COBL: variants seen among roughly 807,000 people sequenced by gnomAD.
COBL encodes protein cordon-bleu.
A neutral mutation model predicts 98.8 loss-of-function variants in COBL; 51 were observed. The observed-to-expected ratio is 0.52, with a 90% CI of 0.41 to 0.65. COBL has a LOEUF of 0.65. Ranked by LOEUF, COBL falls within the 30% of genes least tolerant of loss-of-function variation. The pLI is 0.00. For missense variants in COBL, 1,617 were observed against 1,617.5 expected (o/e 1.00, Z 0.01); for synonymous variants, 634 against 651.7 (o/e 0.97, Z 0.41).
intron 12 of COBL, 27 bp downstream of exon 12, chr7:51,025,082 G>A: frequency 6.2e-7 from 1 of 1,611,868 alleles, no homozygotes; most frequent in South Asian, 1.1e-5. Context: ...TGGCCCCATT[G>A]AAATGCGCAC....
chr7:51,046,730 A>G (rs570268474), intron 7 of COBL, among the ~76,000 whole-genome samples: 3 of 152,156 alleles, frequency 2.0e-5, no homozygotes, highest in African/African-American at 7.2e-5. Context: ...TGTCCTCCAG[A>G]TCCTGTGTGT....
intron 1 of COBL, among the ~76,000 whole-genome samples, chr7:51,315,718 T>A (rs1803499391): frequency 6.6e-6 from 1 of 151,930 alleles, no homozygotes; most frequent in Non-Finnish European, 1.5e-5. Flanking sequence ...CTGGCCGGGA[T>A]GAGCACGGCG....
At chr7:51,097,502 A>C (rs1219750284) in intron 6 of COBL, among the ~76,000 whole-genome samples, 1 of 152,196 alleles carries the variant, frequency 6.6e-6, no homozygotes, top group Non-Finnish European at 1.5e-5. Flanking sequence ...AAACGGAAGA[A>C]GTGAAATTAT....
At chr7:51,047,924 T>C (rs1050155388) in intron 7 of COBL, among the ~76,000 whole-genome samples, 2 of 152,140 alleles carry the variant, frequency 1.3e-5, no homozygotes, top group African/African-American at 4.8e-5. Context: ...CCCAGCACGT[T>C]GGGAGGCTGA....
chr7:51,197,048 A>G (rs1790660426), intron 2 of COBL, among the ~76,000 whole-genome samples: 1 of 150,144 alleles, frequency 6.7e-6, no homozygotes. Flanking sequence ...GATTTTGGTT[A>G]TTTCTTGTCT....
chr7:51,259,177 C>T (rs1224278459), intron 1 of COBL, among the ~76,000 whole-genome samples: 5 of 151,618 alleles, frequency 3.3e-5, no homozygotes, highest in African/African-American at 1.2e-4. Flanking sequence ...ATCCCAGCTA[C>T]TCGGGAGGCT....
intron 5 of COBL, among the ~76,000 whole-genome samples, chr7:51,153,024 C>A (rs546849318): frequency 3.3e-5 from 5 of 152,322 alleles, no homozygotes; most frequent in South Asian, 4.1e-4. Context: ...CTACTTATCA[C>A]TAGCCTACTA....
chr7:51,024,553 A>G (rs1288471383), intron 12 of COBL, among the ~76,000 whole-genome samples: 1 of 152,174 alleles, frequency 6.6e-6, no homozygotes, highest in Non-Finnish European at 1.5e-5. Context: ...CACAAGACCA[A>G]AATGGAGAAG....
intron 1 of COBL, among the ~76,000 whole-genome samples, chr7:51,243,103 T>C (rs898058010): frequency 6.6e-6 from 1 of 152,188 alleles, no homozygotes; most frequent in South Asian, 2.1e-4. Flanking sequence ...CCAGTCCCGT[T>C]GGTCCCACTA....
Position 51,237,526 on chromosome 7 carries a change from C to CT in COBL, c.42-17583dup, listed in dbSNP as rs1193087433. The stretch of plus-strand genomic sequence containing the variant: ...TACATAAACTGTGAGTCCCTTAACC[C>CT]TTTTTTTTTCTTAAAAAAAAAAAAA... On this transcript the variant is annotated intron_variant, in intron 1 of 12. Coordinates refer to ENST00000265136, the MANE Select transcript of COBL (RefSeq NM_015198.5). 5.2e-3 allele frequency among the ~76,000 whole-genome samples: 600 copies of CT among 116,098 alleles called. 3 individuals are homozygous for CT. Among genetic ancestry groups the CT allele is most frequent in the African/African-American group, 0.017 (489 of 28,288 alleles). 76.2% of individuals were successfully genotyped at this position (116,098 alleles called of 152,430 possible).
chr7:51,273,309 C>G lies in COBL; in HGVS notation c.41+43284G>C, dbSNP rs780062701. Among the ~76,000 whole-genome samples the G allele has an allele frequency of 2.6e-3, 226 of 85,834 alleles. 2 individuals are homozygous for G. Among genetic ancestry groups the G allele is most frequent in the South Asian group, 0.01 (30 of 2,970 alleles). The allele number at this position is 85,834 out of a possible 152,430, so 56.3% of individuals were successfully genotyped here. ...TGCCACTGCACTCCAGCCTGGGCAA[C>G]AGAATAAGACTCCATCTCAAAAAAA... is the stretch of plus-strand genomic sequence containing the variant. On this transcript the variant is annotated intron_variant, in intron 1 of 12. Transcript: ENST00000265136.
intron 1 of COBL, among the ~76,000 whole-genome samples, chr7:51,282,831 ATT>A (rs1799926827): frequency 6.6e-6 from 1 of 152,136 alleles, no homozygotes; most frequent in Non-Finnish European, 1.5e-5. Flanking sequence ...AAAAAAAAAA[ATT>A]ACAAGGCATA....
chr7:51,203,106 C>T (rs1042678155), intron 2 of COBL, among the ~76,000 whole-genome samples: 2 of 151,552 alleles, frequency 1.3e-5, no homozygotes, highest in African/African-American at 4.9e-5. Flanking sequence ...CTTTACACTT[C>T]AGGGAACAAG....
chr7:51,073,374 C>G, intron 7 of COBL: 1 of 694,176 alleles, frequency 1.4e-6, no homozygotes, highest in Non-Finnish European at 2.6e-6. Context: ...GGGAATGACG[C>G]ACAGCAATAA....
At position 51,193,485 on chromosome 7, in the gene COBL, C is replaced by G. The variant is rs1411000641; in HGVS notation, c.350G>C (p.Ser117Thr). Residue 117 changes from serine (S) to threonine (T), a missense_variant, in exon 3 of 13, where the codon AGT becomes ACT. Ser to Thr is a moderately conservative substitution (Grantham distance 58). This residue lies in a region of COBL where 238 missense variants were observed against 215.0 expected (regional missense o/e 1.11). Coordinates refer to ENST00000265136, the MANE Select transcript of COBL (RefSeq NM_015198.5). ...CCCAATCAAAGTATTTGGCTTAAAA[C>G]TCAAAGGTTGTTGGGTTTCTGAAGA... ...IRSSETQQPL[S>T]FKPNTLIGTL... 6.2e-7 allele frequency: 1 copy of G among 1,614,170 alleles called. No homozygotes were observed. Among genetic ancestry groups the G allele is most frequent in the Admixed American group, 1.7e-5 (1 of 60,018 alleles).
intron 6 of COBL, among the ~76,000 whole-genome samples, chr7:51,092,748 A>G (rs1439591278): frequency 6.6e-6 from 1 of 152,152 alleles, no homozygotes; most frequent in Admixed American, 6.5e-5. Context: ...CTTTTTGCTC[A>G]AGATTTGGAT....
chr7:51,057,964 T>A (rs796769624), intron 7 of COBL, among the ~76,000 whole-genome samples: 5 of 152,336 alleles, frequency 3.3e-5, no homozygotes, highest in African/African-American at 7.2e-5. Flanking sequence ...CCAGAGTTTT[T>A]AAATTAGGAT....
At chr7:51,025,054 G>A (rs550419273) in intron 12 of COBL, 55 bp downstream of exon 12, 18 of 1,608,898 alleles carry the variant, frequency 1.1e-5, no homozygotes, top group African/African-American at 1.1e-4. Context: ...CTGGATCTAC[G>A]CTGCACCTCC....
intron 2 of COBL, among the ~76,000 whole-genome samples, chr7:51,212,942 C>T (rs1197624425): frequency 1.3e-5 from 2 of 152,236 alleles, no homozygotes; most frequent in African/African-American, 2.4e-5. Flanking sequence ...GACGTGCACA[C>T]TTAGTATGTA....
Sources: gnomAD v4.1 joint callset for allele counts (sites outside exome capture counted in the v4.1 genomes callset) on GRCh38, gnomAD v4.1.1 for gene constraint, gnomAD v4.1.1 regional missense constraint, MANE v1.5 for transcripts, NCBI Gene and HGNC (gene_info 2026-07-23, HGNC 2026-07-21) for gene names.